POLA1: variants seen among roughly 807,000 people sequenced by gnomAD.
POLA1 encodes DNA polymerase alpha 1, catalytic subunit, also known as DNA polymerase alpha catalytic subunit.
A neutral mutation model predicts 124.0 loss-of-function variants in POLA1; 15 were observed. That is an observed-to-expected ratio of 0.12 (90% CI 0.08 to 0.19). The LOEUF (loss-of-function observed/expected upper bound fraction) is 0.19, where lower values mean the gene tolerates loss of function less well. POLA1 is among the 10% of genes least tolerant of loss of function. The probability of loss-of-function intolerance (pLI) is 1.00; values close to 1 mark genes in which losing one functional copy is unlikely to be tolerated. For missense variants in POLA1, 886 were observed against 1,103.4 expected (o/e 0.80, Z 2.79); for synonymous variants, 408 against 389.4 (o/e 1.05, Z -0.56).
chrX:24,826,079 TA>T (rs1452715559), intron 31 of POLA1, among the ~76,000 whole-genome samples: 3 of 112,490 alleles, frequency 2.7e-5, no homozygotes, highest in Non-Finnish European at 3.7e-5. Context: ...CTGGCTACAC[TA>T]ATTGTTACTA....
chrX:24,929,811 C>T (rs994556716), intron 35 of POLA1, among the ~76,000 whole-genome samples: 2 of 112,031 alleles, frequency 1.8e-5, no homozygotes, highest in Non-Finnish European at 3.8e-5. Context: ...GACACGTCTC[C>T]TACACTTTGT....
At chrX:24,711,844 C>T (rs1055860086) in intron 4 of POLA1, among the ~76,000 whole-genome samples, 2 of 111,974 alleles carry the variant, frequency 1.8e-5, no homozygotes, top group South Asian at 3.7e-4. Flanking sequence ...ATGATCCACC[C>T]GCCTTGGCCT....
At chrX:24,705,503 A>G (rs1439297487) in intron 4 of POLA1, among the ~76,000 whole-genome samples, 3 of 111,626 alleles carry the variant, frequency 2.7e-5, no homozygotes, top group Admixed American at 1.9e-4. Flanking sequence ...GAACTTCAGC[A>G]GTGACCTCCT....
intron 34 of POLA1, among the ~76,000 whole-genome samples, chrX:24,884,749 A>G (rs1311374354): frequency 8.9e-6 from 1 of 112,203 alleles, no homozygotes; most frequent in Non-Finnish European, 1.9e-5. Context: ...ATTTCCATGC[A>G]TAATAGCACT....
chrX:24,700,237 G>A (rs1465056477), intron 2 of POLA1, among the ~76,000 whole-genome samples: 1 of 109,826 alleles, frequency 9.1e-6, no homozygotes, highest in African/African-American at 3.3e-5. Context: ...GTTTACCAAT[G>A]TGTTTATTCA....
rs1330468494 is a variant in POLA1, at chrX:24,909,964, G to T, written c.4165-20489G>T. On this transcript the variant is annotated intron_variant, in intron 35 of 36. Coordinates refer to ENST00000379068, the MANE Select transcript of POLA1 (RefSeq NM_001330360.2). Reference sequence around the variant, plus strand: ...AGAGGTCCTTCACATCCCTTGTAAGGTGGATTCCTAGGTATTTTATTCTCT... The same window carrying T: ...AGAGGTCCTTCACATCCCTTGTAAGTTGGATTCCTAGGTATTTTATTCTCT... 3.2e-4 allele frequency among the ~76,000 whole-genome samples: 35 copies of T among 110,695 alleles called. 1 individual carries two copies. Among genetic ancestry groups the T allele is most frequent in the South Asian group, 3.1e-3 (8 of 2,562 alleles).
intron 34 of POLA1, among the ~76,000 whole-genome samples, chrX:24,885,135 T>G (rs2047049640): frequency 8.9e-6 from 1 of 112,438 alleles, no homozygotes; most frequent in Non-Finnish European, 1.9e-5. Flanking sequence ...AATATCCAGG[T>G]TATATTTTGG....
At chrX:24,695,317 TAA>T (rs1486786562) in intron 1 of POLA1, among the ~76,000 whole-genome samples, 3 of 111,007 alleles carry the variant, frequency 2.7e-5, no homozygotes, top group Non-Finnish European at 5.7e-5. Context: ...CTTTTTTTGC[TAA>T]GTTACCTACG....
chrX:24,790,878 A>C (rs1429271954), intron 26 of POLA1, among the ~76,000 whole-genome samples: 1 of 100,504 alleles, frequency 9.9e-6, no homozygotes, highest in Non-Finnish European at 2.0e-5. Flanking sequence ...TTTTACGTGT[A>C]TATACAGCCC....
intron 36 of POLA1, among the ~76,000 whole-genome samples, chrX:24,950,804 G>C (rs1481533501): frequency 9.0e-6 from 1 of 111,667 alleles, no homozygotes; most frequent in Non-Finnish European, 1.9e-5. Flanking sequence ...CTCCTTCCCT[G>C]GTGTTTTTTA....
intron 36 of POLA1, among the ~76,000 whole-genome samples, chrX:24,981,144 GT>G (rs1489088093): frequency 3.3e-4 from 37 of 112,236 alleles, no homozygotes; most frequent in Non-Finnish European, 3.8e-5. Flanking sequence ...ATTGGTTTGT[GT>G]CCAAACCAAC....
chrX:24,937,861 A>C (rs752962157), intron 36 of POLA1, among the ~76,000 whole-genome samples: 1 of 112,489 alleles, frequency 8.9e-6, no homozygotes, highest in East Asian at 2.8e-4. Context: ...CCTTTTGGTA[A>C]AACTTTAAAA....
chrX:24,781,550 G>C (rs1424931940), intron 26 of POLA1, among the ~76,000 whole-genome samples: 2 of 111,844 alleles, frequency 1.8e-5, no homozygotes, highest in East Asian at 5.6e-4. Flanking sequence ...GTAAATTACA[G>C]AGTTAGGAAA....
At chrX:24,973,395 AAG>A (rs11573515) in intron 36 of POLA1, among the ~76,000 whole-genome samples, 2 of 110,469 alleles carry the variant, frequency 1.8e-5, no homozygotes, top group Non-Finnish European at 3.8e-5. Flanking sequence ...AAGAAAAAGA[AAG>A]AGAGAGAGAG....
At chrX:24,833,579 T>C (rs2046299574) in intron 32 of POLA1, among the ~76,000 whole-genome samples, 1 of 111,520 alleles carries the variant, frequency 9.0e-6, no homozygotes, top group African/African-American at 3.3e-5. Context: ...TTTAATTTTT[T>C]GATTATGGCC....
Position 24,892,865 on chromosome X carries a change from A to G in POLA1, c.4164+4743A>G, listed in dbSNP as rs1460440934. Among the ~76,000 whole-genome samples, 3 of 112,125 alleles carry G rather than the reference A, an allele frequency of 2.7e-5. No individual in the cohort carries two copies. In the East Asian group the frequency reaches 8.4e-4, roughly 31 times the overall value. On this transcript the variant is annotated intron_variant, in intron 35 of 36. Transcript: ENST00000379068. ...CTTGAAGGTCACTTATAAGGAAAGCAGTGAAATGACTTCTAGTCCTACTTT... is the reference window on the plus strand; with the variant it reads ...CTTGAAGGTCACTTATAAGGAAAGCGGTGAAATGACTTCTAGTCCTACTTT...
chrX:24,787,406 G>T (rs2045387319), intron 26 of POLA1, among the ~76,000 whole-genome samples: 1 of 111,518 alleles, frequency 9.0e-6, no homozygotes, highest in Non-Finnish European at 1.9e-5. Flanking sequence ...TATGAGACAA[G>T]GATTTAATTT....
At chrX:24,808,876 T>C (rs1253040314) in intron 26 of POLA1, among the ~76,000 whole-genome samples, 1 of 111,680 alleles carries the variant, frequency 9.0e-6, no homozygotes, top group Non-Finnish European at 1.9e-5. Context: ...AGTAAATCTT[T>C]ATTTGGTCTA....
intron 36 of POLA1, among the ~76,000 whole-genome samples, chrX:24,985,065 C>T (rs962563930): frequency 3.6e-5 from 4 of 111,704 alleles, no homozygotes; most frequent in Non-Finnish European, 7.5e-5. Context: ...AAATTTGTGG[C>T]GTTGTGAAAA....
Sources: gnomAD v4.1 joint callset for allele counts (sites outside exome capture counted in the v4.1 genomes callset) on GRCh38, gnomAD v4.1.1 for gene constraint, MANE v1.5 for transcripts, NCBI Gene and HGNC (gene_info 2026-07-23, HGNC 2026-07-21) for gene names.